Variants in C5orf15 observed in about 807,000 individuals in gnomAD.
C5orf15 encodes chromosome 5 open reading frame 15.
Under a neutral mutation model 17.8 loss-of-function variants are expected in C5orf15, and 10 were observed. The ratio of observed to expected loss-of-function variants is 0.56; its 90% CI spans 0.35 to 0.95. C5orf15 has a LOEUF of 0.95. Among genes scored for constraint, C5orf15 ranks in the 40% least tolerant of loss-of-function variants. The probability of loss-of-function intolerance (pLI) is 0.02; values close to 1 mark genes in which losing one functional copy is unlikely to be tolerated. For synonymous variants in C5orf15, 124 were observed against 131.0 expected (o/e 0.95, Z 0.36); for missense variants, 319 against 331.7 (o/e 0.96, Z 0.30).
Position 133,956,038 on chromosome 5 carries a change from A to C in C5orf15, c.*821T>G, listed in dbSNP as rs1379990302. On this transcript the variant is annotated 3_prime_UTR_variant, in exon 3 of 3. Coordinates refer to ENST00000231512, the MANE Select transcript of C5orf15 (RefSeq NM_020199.3). Reference sequence around the variant, plus strand: ...TGATAATGACCCCTAAGATTTATTCAAATTTACTGTAAAATAATAAACGAA... The same window carrying C: ...TGATAATGACCCCTAAGATTTATTCCAATTTACTGTAAAATAATAAACGAA... The C allele has an allele frequency of 3.3e-5, 5 of 152,572 alleles. No homozygotes were observed. Among genetic ancestry groups the C allele is most frequent in the Admixed American group, 2.0e-4 (3 of 15,288 alleles). 9.5% of individuals were successfully genotyped at this position (152,572 alleles called of 1,614,324 possible).
chr5:133,958,738 T>C (rs1752075148), intron 2 of C5orf15, among the ~76,000 whole-genome samples: 1 of 152,248 alleles, frequency 6.6e-6, no homozygotes, highest in Admixed American at 6.5e-5. Context: ...TAAACTCTTC[T>C]GTTTTCTGAA....
At chr5:133,957,889 T>C (rs1752061046) in intron 2 of C5orf15, among the ~76,000 whole-genome samples, 1 of 152,246 alleles carries the variant, frequency 6.6e-6, no homozygotes, top group Non-Finnish European at 1.5e-5. Flanking sequence ...AACTGTGTGT[T>C]TGATCTCCCT....
At chr5:133,959,227 T>C (rs1299107225) in intron 2 of C5orf15, among the ~76,000 whole-genome samples, 1 of 151,710 alleles carries the variant, frequency 6.6e-6, no homozygotes, top group East Asian at 1.9e-4. Flanking sequence ...AAAATTTTAA[T>C]TTAATAATTT....
rs56684565 is a variant in C5orf15 at position 133,961,232 on chromosome 5, T to TAAAAAAA, written c.140-1219_140-1213dup. Among the ~76,000 whole-genome samples, 80 of 30,436 alleles carry TAAAAAAA rather than the reference T, an allele frequency of 2.6e-3. 19 individuals carry two copies. The highest frequency in any genetic ancestry group is 3.4e-3 in the Admixed American group (7 of 2,044). 20.0% of individuals were successfully genotyped at this position (30,436 alleles called of 152,430 possible). A position where few individuals can be genotyped will look rare whatever the true frequency, so the allele number is the denominator to read the frequency against. On this transcript the variant is annotated intron_variant, in intron 1 of 2. Coordinates refer to ENST00000231512, the MANE Select transcript of C5orf15 (RefSeq NM_020199.3). Reference sequence around the variant, plus strand: ...TCAGAAAAATAATGTAGTCAGTTAGTAAAAAAAAAAAAAAAAAAAAAAAAA... The same window carrying TAAAAAAA: ...TCAGAAAAATAATGTAGTCAGTTAGTAAAAAAAAAAAAAAAAAAAAAAAAAAAAAAAA...
At chr5:133,968,396 C>T in intron 1 of C5orf15, 50 bp downstream of exon 1, 2 of 1,579,758 alleles carry the variant, frequency 1.3e-6, no homozygotes, top group South Asian at 2.3e-5. Flanking sequence ...TCCTGCCCTG[C>T]GCCCGAGCCC....
Position 133,959,782 on chromosome 5 carries a change from C to A in C5orf15, c.378G>T (p.Glu126Asp). 6.2e-7 allele frequency: 1 copy of A among 1,614,126 alleles called. No homozygotes were observed. Among genetic ancestry groups the A allele is most frequent in the Non-Finnish European group, 8.5e-7 (1 of 1,180,016 alleles). Residue 126 changes from glutamate (E) to aspartate (D), a missense_variant, in exon 2 of 3, where the codon GAG (glutamate) becomes GAT (aspartate). Coordinates refer to ENST00000231512, the MANE Select transcript of C5orf15 (RefSeq NM_020199.3). ...ADNNEDPSIE[E>D]EDLLMLNSSP... The stretch of plus-strand genomic sequence containing the variant: ...AACTGTTCAGCATGAGAAGATCCTC[C>A]TCCTCTATACTAGGATCTTCATTGT...
chr5:133,956,369 A>G lies in C5orf15; in HGVS notation c.*490T>C, dbSNP rs1231413228. 2 of 152,692 alleles carry G rather than the reference A, an allele frequency of 1.3e-5. No individual in the cohort carries two copies. The highest frequency in any genetic ancestry group is 2.4e-5 in the African/African-American group (1 of 41,470). 9.5% of individuals were successfully genotyped at this position (152,692 alleles called of 1,614,324 possible). On this transcript the variant is annotated 3_prime_UTR_variant, in exon 3 of 3. Transcript: ENST00000231512. ...TAAATTATGTTTAAATTATCTAAAA[A>G]TATCCAAAGCAGTTTTCTTGGAAGA...
At chr5:133,964,011 G>C (rs1752159799) in intron 1 of C5orf15, among the ~76,000 whole-genome samples, 1 of 152,196 alleles carries the variant, frequency 6.6e-6, no homozygotes, top group Non-Finnish European at 1.5e-5. Context: ...AAGGTCAGGA[G>C]TTCGAGACCA....
At chr5:133,961,232 TAAAAAAAAAAAAAAAAAA>T (rs56684565) in intron 1 of C5orf15, among the ~76,000 whole-genome samples, 28 of 30,440 alleles carry the variant, frequency 9.2e-4, no homozygotes, top group Non-Finnish European at 1.4e-3. Flanking sequence ...AGTCAGTTAG[TAAAAAAAAAAAAAAAAAA>T]AAAAAAAAAA....
At position 133,958,576 on chromosome 5, in the gene C5orf15, C is replaced by CAAAAAA. The variant is rs71581378; in HGVS notation, c.666+912_666+917dup. 1.6e-3 allele frequency among the ~76,000 whole-genome samples: 51 copies of CAAAAAA among 31,992 alleles called. 7 individuals are homozygous for CAAAAAA. Among genetic ancestry groups the CAAAAAA allele is most frequent in the African/African-American group, 4.0e-3 (51 of 12,682 alleles). 21.0% of individuals were successfully genotyped at this position (31,992 alleles called of 152,430 possible). A position where few individuals can be genotyped will look rare whatever the true frequency, so the allele number is the denominator to read the frequency against. On this transcript the variant is annotated intron_variant, in intron 2 of 2. Transcript: ENST00000231512. ...TGGGAGACAAAGTGAAGCTCTGTCTCAAAAAAAAAAAAAAAAAAAAAAAAA... is the reference window on the plus strand; with the variant it reads ...TGGGAGACAAAGTGAAGCTCTGTCTCAAAAAAAAAAAAAAAAAAAAAAAAAAAAAAA...
In C5orf15 at chr5:133,959,738, T is replaced by C. The variant is rs367955146; in HGVS notation, c.422A>G (p.Asp141Gly). The C allele has an allele frequency of 1.2e-6, 2 of 1,613,990 alleles. No individual in the cohort carries two copies. The highest frequency in any genetic ancestry group is 2.7e-5 in the African/African-American group (2 of 74,896). Residue 141 changes from aspartate (D) to glycine (G), a missense_variant, in exon 2 of 3, where the codon GAC (aspartate) becomes GGC (glycine). Transcript: ENST00000231512. Reference sequence around the variant, plus strand: ...TCCATAATCGCCATTGTCTAGAGTGTCTTTGGCTGTGGATGGAGAACTGTT... The same window carrying C: ...TCCATAATCGCCATTGTCTAGAGTGCCTTTGGCTGTGGATGGAGAACTGTT... ...MLNSSPSTAK[D>G]TLDNGDYGEP...
In C5orf15 at chr5:133,961,232, TAAAAAAAAAAAAAA is replaced by T. The variant is rs56684565; in HGVS notation, c.140-1226_140-1213del. Reference sequence around the variant, plus strand: ...TCAGAAAAATAATGTAGTCAGTTAGTAAAAAAAAAAAAAAAAAAAAAAAAAAAAAAAGGCCAGGC... The same window carrying T: ...TCAGAAAAATAATGTAGTCAGTTAGTAAAAAAAAAAAAAAAAAGGCCAGGC... On this transcript the variant is annotated intron_variant, in intron 1 of 2. Transcript: ENST00000231512. 7.4e-3 allele frequency among the ~76,000 whole-genome samples: 225 copies of T among 30,448 alleles called. 1 individual carries two copies. Among genetic ancestry groups the T allele is most frequent in the African/African-American group, 0.032 (214 of 6,756 alleles). 20.0% of individuals were successfully genotyped at this position (30,448 alleles called of 152,430 possible).
Position 133,968,589 on chromosome 5 carries a change from G to T in C5orf15, c.-5C>A, listed in dbSNP as rs763291815. Reference sequence around the variant, plus strand: ...CTTCGGGACGGCAGCGGCCATAACGGACTCGGCTGGGAGCCTGCGCTGTTG... The same window carrying T: ...CTTCGGGACGGCAGCGGCCATAACGTACTCGGCTGGGAGCCTGCGCTGTTG... On this transcript the variant is annotated 5_prime_UTR_variant, in exon 1 of 3. Transcript: ENST00000231512. 2 of 1,608,192 alleles carry T rather than the reference G, an allele frequency of 1.2e-6. No homozygotes were observed. Among genetic ancestry groups the T allele is most frequent in the Non-Finnish European group, 8.5e-7 (1 of 1,177,742 alleles).
At chr5:133,961,678 T>C (rs1219003250) in intron 1 of C5orf15, among the ~76,000 whole-genome samples, 1 of 150,848 alleles carries the variant, frequency 6.6e-6, no homozygotes, top group Non-Finnish European at 1.5e-5. Context: ...CTCGACCTCC[T>C]GGTTTCAAGC....
At chr5:133,957,108 C>A in intron 2 of C5orf15, 118 bp from the exon 3 acceptor site, 1 of 950,312 alleles carries the variant, frequency 1.1e-6, no homozygotes, top group Non-Finnish European at 1.6e-6. Flanking sequence ...AAAATATCAA[C>A]AACAAAAAAG....
chr5:133,966,985 A>C (rs1311713429), intron 1 of C5orf15, among the ~76,000 whole-genome samples: 1 of 152,256 alleles, frequency 6.6e-6, no homozygotes, highest in East Asian at 1.9e-4. Context: ...AACAGTCCAC[A>C]TTCTGCCTCA....
At chr5:133,963,957 A>G (rs1031780464) in intron 1 of C5orf15, among the ~76,000 whole-genome samples, 1 of 152,188 alleles carries the variant, frequency 6.6e-6, no homozygotes, top group Non-Finnish European at 1.5e-5. Flanking sequence ...GGTGGCTCAC[A>G]CCTGTAATCT....
intron 1 of C5orf15, among the ~76,000 whole-genome samples, chr5:133,961,812 C>T (rs1236071322): frequency 6.6e-6 from 1 of 151,532 alleles, no homozygotes; most frequent in African/African-American, 2.4e-5. Flanking sequence ...CCATGTTGCC[C>T]AGGCTGCTCT....
chr5:133,957,106 A>C, intron 2 of C5orf15, 116 bp from the exon 3 acceptor site: 5 of 949,924 alleles, frequency 5.3e-6, no homozygotes, highest in Middle Eastern at 2.9e-4. Flanking sequence ...ACAAAATATC[A>C]ACAACAAAAA....
Sources: gnomAD v4.1 joint callset for allele counts (sites outside exome capture counted in the v4.1 genomes callset) on GRCh38, gnomAD v4.1.1 for gene constraint, MANE v1.5 for transcripts, NCBI Gene and HGNC (gene_info 2026-07-23, HGNC 2026-07-21) for gene names.